Variants in LRIG2 observed in about 807,000 individuals in gnomAD.
The protein encoded by LRIG2 is leucine-rich repeats and immunoglobulin-like domains protein 2.
LRIG2 carries 93 observed loss-of-function variants against 107.8 expected under a neutral mutation model. The ratio of observed to expected loss-of-function variants is 0.86; its 90% CI spans 0.73 to 1.03. LRIG2 has a LOEUF of 1.03. Ranked by LOEUF, LRIG2 falls within the 50% of genes least tolerant of loss-of-function variation. The pLI, the probability that LRIG2 is intolerant of heterozygous loss-of-function variation, is 0.00. For missense variants in LRIG2, 1,226 were observed against 1,296.0 expected, an observed-to-expected ratio of 0.95 and a Z score of 0.83; for synonymous variants, 471 against 470.6, an observed-to-expected ratio of 1.00 and a Z score of -0.01.
intron 13 of LRIG2, among the ~76,000 whole-genome samples, chr1:113,112,261 C>T (rs189083808): frequency 3.5e-4 from 53 of 152,190 alleles, no homozygotes; most frequent in African/African-American, 1.3e-3. Context: ...CCAGTGTACT[C>T]CCGCCTGGAC....
intron 15 of LRIG2, 72 bp downstream of exon 15, chr1:113,114,948 T>G: frequency 7.9e-7 from 1 of 1,273,788 alleles, no homozygotes; most frequent in Non-Finnish European, 1.1e-6. Flanking sequence ...AATTGTACAA[T>G]ATAAAAAACT....
intron 1 of LRIG2, among the ~76,000 whole-genome samples, chr1:113,084,284 C>T (rs950658762): frequency 3.5e-5 from 5 of 143,456 alleles, no homozygotes; most frequent in African/African-American, 1.0e-4. Flanking sequence ...GGCGCAATCT[C>T]GGCTCACTGC....
chr1:113,114,430 C>T lies in LRIG2; in HGVS notation c.2084C>T (p.Thr695Ile), dbSNP rs1349825162. ...TTTTTTAATGTTTTCCTGTTAGAGACACCCTCATTTATTAGACCCCTGGAG... is the reference window on the plus strand; with the variant it reads ...TTTTTTAATGTTTTCCTGTTAGAGATACCCTCATTTATTAGACCCCTGGAG... Reference protein sequence around the residue: ...SANASLTVLETPSFIRPLEDK... With the variant: ...SANASLTVLEIPSFIRPLEDK... The change falls in exon 15 of 18, where the codon ACA (threonine) becomes ATA (isoleucine). Residue 695 changes from threonine to isoleucine, a missense_variant. This residue lies in a region of LRIG2 where 642 missense variants were observed against 712.2 expected (regional missense o/e 0.90). Transcript: ENST00000361127. 1.7e-5 allele frequency: 26 copies of T among 1,556,258 alleles called. No homozygotes were observed. The highest frequency in any genetic ancestry group is 2.3e-5 in the Non-Finnish European group (26 of 1,150,880).
At position 113,125,544 on chromosome 1, in the gene LRIG2, G is replaced by GT. The variant is rs1281353632; in HGVS notation, c.*1445dup. 1 of 152,122 alleles carries GT rather than the reference G, an allele frequency of 6.6e-6. No individual in the cohort carries two copies. Among genetic ancestry groups the GT allele is most frequent in the Non-Finnish European group, 1.5e-5 (1 of 68,044 alleles). 9.4% of individuals were successfully genotyped at this position (152,122 alleles called of 1,614,324 possible). ...TTCAGGAACCAATGAGTTAGATCGG[G>GT]TTGTTACTTTATGTATAATGAACGC... is the stretch of plus-strand genomic sequence containing the variant. On this transcript the variant is annotated 3_prime_UTR_variant, in exon 18 of 18. Transcript: ENST00000361127.
In LRIG2 at chr1:113,112,521, G is replaced by A. The variant is rs749743417; in HGVS notation, c.1841G>A (p.Arg614His). 8.1e-6 allele frequency: 13 copies of A among 1,612,996 alleles called. No individual in the cohort carries two copies. Among genetic ancestry groups the A allele is most frequent in the East Asian group, 2.2e-5 (1 of 44,854 alleles). The change falls in exon 14 of 18, where the codon CGC becomes CAC. Residue 614 changes from arginine (R) to histidine (H), a missense_variant. This residue lies in a region of LRIG2 where 642 missense variants were observed against 712.2 expected (regional missense o/e 0.90). Transcript: ENST00000361127. The part of the protein sequence containing the change: ...FLKTPMDLTI[R>H]TGAMARLECA... ...AAAACGCCAATGGATCTGACTATTC[G>A]CACTGGTGCCATGGCCAGATTAGAA...
chr1:113,112,345 A>G, intron 13 of LRIG2, 134 bp from the exon 14 acceptor site: 1 of 782,006 alleles, frequency 1.3e-6, no homozygotes. Flanking sequence ...ACTCTCAATC[A>G]GAGAGCCTGT....
At position 113,116,253 on chromosome 1, in the gene LRIG2, C is replaced by G. The variant is rs757350067; in HGVS notation, c.2531-34C>G. 3.2e-6 allele frequency: 5 copies of G among 1,582,202 alleles called. No individual in the cohort carries two copies. In the Admixed American group the frequency reaches 7.0e-5, roughly 22 times the overall value. On this transcript the variant is annotated intron_variant, in intron 15 of 17. Transcript: ENST00000361127. ...TCTTCTGAGTGTTGGCTTCAACTGC[C>G]TACCTTTGAGAGTTAAAAATGTCTC...
intron 1 of LRIG2, among the ~76,000 whole-genome samples, chr1:113,078,395 C>T (rs561399595): frequency 2.2e-4 from 33 of 152,026 alleles, no homozygotes; most frequent in Non-Finnish European, 3.1e-4. Flanking sequence ...CCCACCACCA[C>T]GCCAGGCTAA....
rs768751013 is a variant in LRIG2, at chr1:113,073,625, G to GC, written c.225dup (p.Asp76ArgfsTer10). On this transcript the variant is annotated frameshift_variant, in exon 1 of 18. Coordinates refer to ENST00000361127, the MANE Select transcript of LRIG2 (RefSeq NM_014813.3). LOFTEE classifies it high-confidence loss of function. ...GCTGGAGGGCGCTGTCGGGCTTGCT[G>GC]CCCCCCGACACCGCTATCCTGTGAG... 5.6e-6 allele frequency: 9 copies of GC among 1,612,772 alleles called. No individual in the cohort carries two copies. Among genetic ancestry groups the GC allele is most frequent in the Non-Finnish European group, 4.2e-6 (5 of 1,179,968 alleles).
Position 113,073,432 on chromosome 1 carries a change from C to G in LRIG2, c.26C>G (p.Pro9Arg). Residue 9 changes from proline to arginine, a missense_variant, in exon 1 of 18, where the codon CCG (proline) becomes CGG (arginine). Pro to Arg is a moderately radical substitution (Grantham distance 103). Coordinates refer to ENST00000361127, the MANE Select transcript of LRIG2 (RefSeq NM_014813.3). ...ATGGCGCCGGCGCCCCTAGGCGTCC[C>G]GGAGGAGCAGTTGCTGGGGTGTCGA... is the stretch of plus-strand genomic sequence containing the variant. MAPAPLGV[P>R]EEQLLGCRSR... 1 of 1,614,066 alleles carries G rather than the reference C, an allele frequency of 6.2e-7. No individual in the cohort carries two copies. Among genetic ancestry groups the G allele is most frequent in the Non-Finnish European group, 8.5e-7 (1 of 1,179,942 alleles).
At chr1:113,090,855 A>AAT (rs397981299) in intron 1 of LRIG2, among the ~76,000 whole-genome samples, 2,599 of 141,080 alleles carry the variant, frequency 0.018, 65 homozygotes, top group African/African-American at 0.063. Context: ...AAACAAAAAA[A>AAT]TTTTTTTTTT....
At chr1:113,102,581 T>A (rs1417248600) in intron 11 of LRIG2, among the ~76,000 whole-genome samples, 2 of 148,282 alleles carry the variant, frequency 1.3e-5, no homozygotes, top group Non-Finnish European at 3.0e-5. Flanking sequence ...GTCAAGATAT[T>A]TTTTTTTTTT....
intron 8 of LRIG2, among the ~76,000 whole-genome samples, chr1:113,097,782 A>G (rs1654129747): frequency 6.6e-6 from 1 of 152,186 alleles, no homozygotes; most frequent in Non-Finnish European, 1.5e-5. Flanking sequence ...GGGTAGATAC[A>G]GTTCTTAATT....
intron 17 of LRIG2, among the ~76,000 whole-genome samples, chr1:113,122,729 C>T (rs1655317418): frequency 6.6e-6 from 1 of 152,196 alleles, no homozygotes. Flanking sequence ...TGTTGACTAT[C>T]AGCATCACCG....
intron 1 of LRIG2, among the ~76,000 whole-genome samples, chr1:113,077,069 G>GATT (rs1239440605): frequency 6.6e-6 from 1 of 151,994 alleles, no homozygotes; most frequent in Non-Finnish European, 1.5e-5. Flanking sequence ...CGCTTCTATA[G>GATT]ATTATATAGA....
In LRIG2 at chr1:113,125,530, A is replaced by G. The variant is rs1057091804; in HGVS notation, c.*1429A>G. 3 of 152,108 alleles carry G rather than the reference A, an allele frequency of 2.0e-5. No individual in the cohort carries two copies. Among genetic ancestry groups the G allele is most frequent in the South Asian group, 2.1e-4 (1 of 4,828 alleles). The allele number at this position is 152,108 out of a possible 1,614,324, so 9.4% of individuals were successfully genotyped here. A position where few individuals can be genotyped will look rare whatever the true frequency, so the allele number is the denominator to read the frequency against. ...GGTTCAGTCATTCCTTCAGGAACCA[A>G]TGAGTTAGATCGGGTTGTTACTTTA... On this transcript the variant is annotated 3_prime_UTR_variant, in exon 18 of 18. Coordinates refer to ENST00000361127, the MANE Select transcript of LRIG2 (RefSeq NM_014813.3).
chr1:113,096,470 C>T (rs1195259593), intron 8 of LRIG2, 105 bp downstream of exon 8: 3 of 1,238,096 alleles, frequency 2.4e-6, no homozygotes, highest in East Asian at 2.3e-5. Context: ...TGTATGCTAA[C>T]ATTTTGTGGT....
Position 113,110,257 on chromosome 1 carries a change from C to T in LRIG2, c.1493C>T (p.Pro498Leu). 1 of 1,583,228 alleles carries T rather than the reference C, an allele frequency of 6.3e-7. No homozygotes were observed. The highest frequency in any genetic ancestry group is 8.6e-7 in the Non-Finnish European group (1 of 1,161,142). Residue 498 changes from proline (P) to leucine (L), a missense_variant, in exon 13 of 18, where the codon CCA becomes CTA. By Grantham distance (98) the Pro-to-Leu change is moderately conservative. Coordinates refer to ENST00000361127, the MANE Select transcript of LRIG2 (RefSeq NM_014813.3). The stretch of plus-strand genomic sequence containing the variant: ...TTCCCCTTAGATGATTTTCTCAAGC[C>T]ACAGATAAGGACACATCCTGAAACC... Reference protein sequence around the residue: ...KDFVCDDFLKPQIRTHPETII... With the variant: ...KDFVCDDFLKLQIRTHPETII...
In LRIG2 at chr1:113,112,758, T is replaced by G; in HGVS notation, c.2078T>G (p.Leu693Ter). The change falls in exon 14 of 18, where the codon TTA becomes TGA. Residue 693 changes from leucine to a stop codon, truncating the protein, a stop_gained and splice_region_variant. Transcript: ENST00000361127. LOFTEE classifies it high-confidence loss of function. ...TCAGCAAATGCTTCCCTAACAGTGTTAGGTACGTTTACTGCTCCATGGGTC... is the reference window on the plus strand; with the variant it reads ...TCAGCAAATGCTTCCCTAACAGTGTGAGGTACGTTTACTGCTCCATGGGTC... ...GLSANASLTV[L>*]ETPSFIRPLE... 1 of 1,597,290 alleles carries G rather than the reference T, an allele frequency of 6.3e-7. No homozygotes were observed. Among genetic ancestry groups the G allele is most frequent in the Non-Finnish European group, 8.6e-7 (1 of 1,166,276 alleles).
Sources: gnomAD v4.1 joint callset for allele counts (sites outside exome capture counted in the v4.1 genomes callset) on GRCh38, gnomAD v4.1.1 for gene constraint, gnomAD v4.1.1 regional missense constraint, MANE v1.5 for transcripts, NCBI Gene and HGNC (gene_info 2026-07-23, HGNC 2026-07-21) for gene names.